The following BICRA variants were observed in gnomAD, a reference collection of about 807,000 sequenced individuals.
BICRA encodes the protein BRD4-interacting chromatin-remodeling complex-associated protein.
A neutral mutation model predicts 96.9 loss-of-function variants in BICRA; 31 were observed. The ratio of observed to expected loss-of-function variants is 0.32; its 90% CI spans 0.24 to 0.43. BICRA has a LOEUF of 0.43. Among genes scored for constraint, BICRA ranks in the 20% least tolerant of loss-of-function variants. The pLI, the probability that BICRA is intolerant of heterozygous loss-of-function variation, is 1.00. For synonymous variants in BICRA, 1,350 were observed against 1,071.8 expected (o/e 1.26, Z -5.07); for missense variants, 2,283 against 2,190.3 (o/e 1.04, Z -0.84).
At chr19:47,685,793 G>A (rs762533645) in intron 7 of BICRA, among the ~76,000 whole-genome samples, 47 of 144,072 alleles carry the variant, frequency 3.3e-4, no homozygotes, top group South Asian at 1.1e-3. Context: ...GTGTGCGCGC[G>A]CGCGCGCATG....
intron 1 of BICRA, among the ~76,000 whole-genome samples, chr19:47,644,412 C>T (rs1972427736): frequency 6.6e-6 from 1 of 150,430 alleles, no homozygotes; most frequent in South Asian, 2.1e-4. Flanking sequence ...TCTCTCTCTC[C>T]TTCCTTGCTT....
chr19:47,696,807 G>A (rs925462429), intron 11 of BICRA, among the ~76,000 whole-genome samples: 1 of 152,084 alleles, frequency 6.6e-6, no homozygotes, highest in South Asian at 2.1e-4. Flanking sequence ...ACACGGCTGG[G>A]CCGCGTCGGT....
intron 7 of BICRA, 48 bp from the exon 8 acceptor site, chr19:47,694,067 G>A: frequency 6.9e-7 from 1 of 1,456,650 alleles, no homozygotes; most frequent in South Asian, 1.4e-5. Flanking sequence ...AGGAGCTATG[G>A]TTGGTTCTGA....
chr19:47,608,432 C>G (rs1971841234), upstream of BICRA: 1 of 152,262 alleles, frequency 6.6e-6, no homozygotes, highest in Admixed American at 6.5e-5. Context: ...TCATCCTCGA[C>G]TCCCGCTATC....
At chr19:47,669,760 G>C (rs8106459) in intron 1 of BICRA, among the ~76,000 whole-genome samples, 49,476 of 151,306 alleles carry the variant, frequency 0.33, 10,306 homozygotes, top group African/African-American at 0.59. Flanking sequence ...GGGTTCACGC[G>C]ATTCTCCTGC....
At chr19:47,645,100 C>G (rs928724684) in intron 1 of BICRA, among the ~76,000 whole-genome samples, 1 of 152,294 alleles carries the variant, frequency 6.6e-6, no homozygotes, top group East Asian at 1.9e-4. Context: ...CTGGCTCTGT[C>G]AGTTCTACTA....
rs764037370 is a variant in BICRA at position 47,680,666 on chromosome 19, C to T, written c.1496C>T (p.Ala499Val). The part of the protein sequence containing the change: ...LPANVGGQIL[A>V]AAAPHTGGQL... ...GCCAACGTGGGCGGGCAGATCCTGG[C>T]GGCCGCTGCCCCCCACACAGGTGGA... The change falls in exon 6 of 15, where the codon GCG (alanine) becomes GTG (valine). Residue 499 changes from alanine (A) to valine (V), a missense_variant. By Grantham distance (64) the Ala-to-Val change is moderately conservative. Transcript: ENST00000594866. 1 of 1,605,480 alleles carries T rather than the reference C, an allele frequency of 6.2e-7. No homozygotes were observed. The highest frequency in any genetic ancestry group is 8.5e-7 in the Non-Finnish European group (1 of 1,176,150).
chr19:47,687,265 T>G (rs1334182282), intron 7 of BICRA, among the ~76,000 whole-genome samples: 2 of 152,182 alleles, frequency 1.3e-5, no homozygotes, highest in East Asian at 1.9e-4. Context: ...TTAAGGACAC[T>G]GAAATTGGAA....
chr19:47,702,540 T>A lies in BICRA; in HGVS notation c.*125T>A. On this transcript the variant is annotated 3_prime_UTR_variant, in exon 15 of 15. Coordinates refer to ENST00000594866, the MANE Select transcript of BICRA (RefSeq NM_001394372.1). ...TGACGGTTTTTCTTGCCTAAGTTATTTGAGTCACAAAGGCCTCCTTCCCTG... is the reference window on the plus strand; with the variant it reads ...TGACGGTTTTTCTTGCCTAAGTTATATGAGTCACAAAGGCCTCCTTCCCTG... 1 of 1,183,398 alleles carries A rather than the reference T, an allele frequency of 8.5e-7. No homozygotes were observed. The highest frequency in any genetic ancestry group is 1.1e-6 in the Non-Finnish European group (1 of 899,344). 73.3% of individuals were successfully genotyped at this position (1,183,398 alleles called of 1,614,324 possible).
intron 6 of BICRA, 117 bp downstream of exon 6, chr19:47,681,393 G>C: frequency 1.2e-6 from 1 of 855,568 alleles, no homozygotes; most frequent in Non-Finnish European, 1.8e-6. Flanking sequence ...GCTGGGGGGG[G>C]AAGGTCTCAG....
intron 1 of BICRA, among the ~76,000 whole-genome samples, chr19:47,644,492 A>G (rs1312578863): frequency 1.6e-5 from 1 of 60,772 alleles, no homozygotes; most frequent in Non-Finnish European, 3.0e-5. Flanking sequence ...CCCTTCCCCT[A>G]CCCCTTCACC....
intron 2 of BICRA, among the ~76,000 whole-genome samples, chr19:47,671,647 GTAGA>G (rs915880919): frequency 2.0e-5 from 3 of 151,784 alleles, no homozygotes; most frequent in African/African-American, 7.3e-5. Flanking sequence ...GGATGGGTAG[GTAGA>G]TGGATGGAAG....
rs1356902423 is a variant in BICRA, at chr19:47,666,572, C to T, written c.-107-3871C>T. 4.6e-5 allele frequency among the ~76,000 whole-genome samples: 7 copies of T among 151,542 alleles called. No individual in the cohort carries two copies. In the East Asian group the frequency reaches 7.8e-4, roughly 17 times the overall value. On this transcript the variant is annotated intron_variant, in intron 1 of 14. Coordinates refer to ENST00000594866, the MANE Select transcript of BICRA (RefSeq NM_001394372.1). ...CATTACAGGTGTGAGCCACCACGCC[C>T]GGCCTTCTTTTCTTTTTGAAATGGA...
At position 47,647,818 on chromosome 19, in the gene BICRA, C is replaced by G. The variant is rs373989516; in HGVS notation, c.-107-22625C>G. Reference sequence around the variant, plus strand: ...AGACCCTGCTATGTCCTTGACCACACTGCACGGGGATCCTGTCCACGATGG... The same window carrying G: ...AGACCCTGCTATGTCCTTGACCACAGTGCACGGGGATCCTGTCCACGATGG... On this transcript the variant is annotated intron_variant, in intron 1 of 14. Transcript: ENST00000594866. Among the ~76,000 whole-genome samples, 7 of 152,010 alleles carry G rather than the reference C, an allele frequency of 4.6e-5. No individual in the cohort carries two copies. In the East Asian group the frequency reaches 1.2e-3, roughly 25 times the overall value.
chr19:47,638,649 G>GTTTGT (rs893263069), intron 1 of BICRA, among the ~76,000 whole-genome samples: 3 of 151,886 alleles, frequency 2.0e-5, no homozygotes, highest in South Asian at 2.1e-4. Context: ...TTTAAGGCAG[G>GTTTGT]TTTGTTTTGT....
chr19:47,637,747 C>T (rs903563918), intron 1 of BICRA, among the ~76,000 whole-genome samples: 5 of 152,160 alleles, frequency 3.3e-5, no homozygotes, highest in African/African-American at 4.8e-5. Flanking sequence ...TTCCTGTCTC[C>T]ATGGATTTGC....
chr19:47,609,437 G>A (rs1971861653), intron 1 of BICRA, among the ~76,000 whole-genome samples: 1 of 78,166 alleles, frequency 1.3e-5, no homozygotes. Flanking sequence ...CCCCAGCCCC[G>A]CGTCTCTTCC....
At position 47,694,396 on chromosome 19, in the gene BICRA, A is replaced by T; in HGVS notation, c.2565A>T (p.Pro855=). 1 of 817,646 alleles carries T rather than the reference A, an allele frequency of 1.2e-6. No individual in the cohort carries two copies. The allele number at this position is 817,646 out of a possible 1,614,324, so 50.6% of individuals were successfully genotyped here. The change falls in exon 8 of 15, where the codon CCA becomes CCT. Residue 855 remains proline (P), a synonymous_variant. Coordinates refer to ENST00000594866, the MANE Select transcript of BICRA (RefSeq NM_001394372.1). ...CCAGCAACCCGGCCCCTACTGCCCCAGGCCCGCCGCAGCCGCCTCTCCGCC... is the reference window on the plus strand; with the variant it reads ...CCAGCAACCCGGCCCCTACTGCCCCTGGCCCGCCGCAGCCGCCTCTCCGCC... The part of the protein sequence containing the change: ...PPASNPAPTA[P]GPPQPPLRPQ...
chr19:47,645,289 C>T (rs1170037806), intron 1 of BICRA, among the ~76,000 whole-genome samples: 3 of 152,130 alleles, frequency 2.0e-5, no homozygotes, highest in East Asian at 3.9e-4. Flanking sequence ...TTGTGTAGAA[C>T]GTCTCTCATT....
Sources: gnomAD v4.1 joint callset for allele counts (sites outside exome capture counted in the v4.1 genomes callset) on GRCh38, gnomAD v4.1.1 for gene constraint, MANE v1.5 for transcripts, NCBI Gene and HGNC (gene_info 2026-07-23, HGNC 2026-07-21) for gene names.